Variants in WDR7 observed in about 807,000 individuals in gnomAD.
The protein encoded by WDR7 is WD repeat domain 7, also known as WD repeat-containing protein 7.
A neutral mutation model predicts 169.4 loss-of-function variants in WDR7; 46 were observed. The observed-to-expected ratio is 0.27, with a 90% CI of 0.21 to 0.35. The LOEUF (loss-of-function observed/expected upper bound fraction) is 0.35, where lower values mean the gene tolerates loss of function less well. Among genes scored for constraint, WDR7 ranks in the 10% least tolerant of loss-of-function variants. The pLI, the probability that WDR7 is intolerant of heterozygous loss-of-function variation, is 1.00. For missense variants in WDR7, 1,534 were observed against 1,859.3 expected (o/e 0.83, Z 3.22); for synonymous variants, 612 against 666.8 (o/e 0.92, Z 1.27).
chr18:56,822,158 A>G (rs1176900656), intron 20 of WDR7, among the ~76,000 whole-genome samples: 2 of 152,230 alleles, frequency 1.3e-5, no homozygotes, highest in Non-Finnish European at 2.9e-5. Context: ...CATTAGGAAA[A>G]AAATCACCGC....
chr18:56,874,079 C>G (rs1159158466), intron 20 of WDR7: 1 of 152,184 alleles, frequency 6.6e-6, no homozygotes, highest in Non-Finnish European at 1.5e-5. Context: ...TTCAAGAATA[C>G]TATGTAAAGA....
chr18:56,878,499 ATTTG>A (rs2145474027), intron 20 of WDR7, among the ~76,000 whole-genome samples: 1 of 152,290 alleles, frequency 6.6e-6, no homozygotes, highest in East Asian at 1.9e-4. Context: ...CCCAATAAAT[ATTTG>A]TTAAATTAAT....
chr18:56,979,419 C>G (rs1447801851), intron 26 of WDR7, among the ~76,000 whole-genome samples: 1 of 152,192 alleles, frequency 6.6e-6, no homozygotes, highest in Non-Finnish European at 1.5e-5. Flanking sequence ...CTCCTTTTCT[C>G]TCAACCAGTG....
At chr18:56,842,641 A>G (rs2045504098) in intron 20 of WDR7, among the ~76,000 whole-genome samples, 1 of 152,182 alleles carries the variant, frequency 6.6e-6, no homozygotes, top group Non-Finnish European at 1.5e-5. Context: ...CAAAATTCCC[A>G]TTGAAGTATG....
intron 21 of WDR7, among the ~76,000 whole-genome samples, chr18:56,916,640 T>TA (rs1332079934): frequency 2.6e-5 from 4 of 152,200 alleles, no homozygotes; most frequent in Admixed American, 6.5e-5. Flanking sequence ...AACTATTTTT[T>TA]AAAAAAACTG....
At chr18:57,013,316 C>T (rs2048162831) in intron 26 of WDR7, among the ~76,000 whole-genome samples, 1 of 152,162 alleles carries the variant, frequency 6.6e-6, no homozygotes, top group Non-Finnish European at 1.5e-5. Flanking sequence ...AGGCCATGGA[C>T]CGGTACCAGT....
At chr18:56,914,013 A>G (rs980886346) in intron 21 of WDR7, among the ~76,000 whole-genome samples, 2 of 151,978 alleles carry the variant, frequency 1.3e-5, no homozygotes, top group Admixed American at 1.3e-4. Flanking sequence ...AACCTTCCAC[A>G]AGTTTCTCAT....
intron 20 of WDR7, among the ~76,000 whole-genome samples, chr18:56,829,226 GC>G (rs2045267622): frequency 6.6e-6 from 1 of 151,078 alleles, no homozygotes; most frequent in South Asian, 2.1e-4. Context: ...CCACTGCACT[GC>G]AGCCTGGGTG....
intron 12 of WDR7, among the ~76,000 whole-genome samples, chr18:56,715,752 GA>G (rs1455014741): frequency 6.6e-6 from 1 of 152,120 alleles, no homozygotes; most frequent in Non-Finnish European, 1.5e-5. Flanking sequence ...AGATTAAAAG[GA>G]ATACTGTTTA....
At chr18:56,714,966 T>C (rs1319309329) in intron 12 of WDR7, among the ~76,000 whole-genome samples, 1 of 152,160 alleles carries the variant, frequency 6.6e-6, no homozygotes, top group Non-Finnish European at 1.5e-5. Context: ...TCATTTTGTA[T>C]GTCCTTTATT....
At chr18:56,897,239 A>G (rs1696801051) in intron 21 of WDR7, among the ~76,000 whole-genome samples, 1 of 151,992 alleles carries the variant, frequency 6.6e-6, no homozygotes, top group South Asian at 2.1e-4. Context: ...TTGGAAAACA[A>G]TTGAGTATAT....
intron 9 of WDR7, among the ~76,000 whole-genome samples, chr18:56,692,854 T>C (rs1008001760): frequency 2.6e-5 from 4 of 152,060 alleles, no homozygotes; most frequent in African/African-American, 7.2e-5. Flanking sequence ...AAATATATAG[T>C]TTATCAATTA....
intron 26 of WDR7, among the ~76,000 whole-genome samples, chr18:57,001,690 C>G (rs1032120946): frequency 6.6e-6 from 1 of 152,088 alleles, no homozygotes; most frequent in African/African-American, 2.4e-5. Context: ...TCCTTCTGCC[C>G]CTTTGCAGTC....
intron 21 of WDR7, among the ~76,000 whole-genome samples, chr18:56,903,263 G>A (rs980039488): frequency 6.6e-6 from 1 of 152,096 alleles, no homozygotes; most frequent in Non-Finnish European, 1.5e-5. Flanking sequence ...TTCCATGAAT[G>A]AAGTTGTAAT....
At chr18:56,802,781 A>T (rs958237826) in intron 19 of WDR7, among the ~76,000 whole-genome samples, 1 of 152,108 alleles carries the variant, frequency 6.6e-6, no homozygotes, top group Non-Finnish European at 1.5e-5. Context: ...TCTCTTAACA[A>T]CGTCCTTTGC....
At chr18:56,831,335 T>C (rs967072834) in intron 20 of WDR7, among the ~76,000 whole-genome samples, 9 of 152,048 alleles carry the variant, frequency 5.9e-5, no homozygotes, top group Admixed American at 3.9e-4. Context: ...CTCTGTTTGT[T>C]GGCTGAGCTG....
intron 25 of WDR7, among the ~76,000 whole-genome samples, chr18:56,958,212 C>T (rs1340069303): frequency 2.0e-5 from 3 of 152,150 alleles, no homozygotes; most frequent in Non-Finnish European, 4.4e-5. Context: ...AAACTCAAAC[C>T]ATCCCTCTCC....
chr18:56,917,129 A>G (rs1483845095), intron 21 of WDR7, among the ~76,000 whole-genome samples: 1 of 151,950 alleles, frequency 6.6e-6, no homozygotes, highest in African/African-American at 2.4e-5. Flanking sequence ...CCCGGGAGAC[A>G]GATGTTGCAG....
chr18:57,020,582 G>A (rs2278495), intron 26 of WDR7, among the ~76,000 whole-genome samples, 163 bp from the exon 27 acceptor site: 45,007 of 152,070 alleles, frequency 0.3, 7,467 homozygotes, highest in East Asian at 0.76. Context: ...ATGAGAGAAC[G>A]TCTGTTGCTT....
Sources: allele counts gnomAD v4.1 joint callset (sites outside exome capture counted in the v4.1 genomes callset), GRCh38; gene constraint gnomAD v4.1.1; transcripts MANE v1.5; gene names NCBI Gene and HGNC (gene_info 2026-07-23, HGNC 2026-07-21).